CLYBL: variants seen among roughly 807,000 people sequenced by gnomAD.
CLYBL encodes citramalyl-CoA lyase, mitochondrial.
In CLYBL, 31 loss-of-function variants were observed where a neutral mutation model predicts 38.9. That is an observed-to-expected ratio of 0.80 (90% CI 0.60 to 1.08). The LOEUF (loss-of-function observed/expected upper bound fraction) is 1.08, where lower values mean the gene tolerates loss of function less well. Among genes scored for constraint, CLYBL ranks in the 50% least tolerant of loss-of-function variants. The pLI, the probability that CLYBL is intolerant of heterozygous loss-of-function variation, is 0.00. For synonymous variants in CLYBL, 171 were observed against 158.6 expected, an observed-to-expected ratio of 1.08 and a Z score of -0.59; for missense variants, 434 against 411.6, an observed-to-expected ratio of 1.05 and a Z score of -0.47.
chr13:99,843,833 C>T (rs1156904395), intron 2 of CLYBL, among the ~76,000 whole-genome samples: 3 of 152,152 alleles, frequency 2.0e-5, no homozygotes, highest in African/African-American at 7.2e-5. Context: ...AACTCCTGAC[C>T]TCAGGTGATC....
rs79805069 is a variant in CLYBL at position 99,850,461 on chromosome 13, C to T, written c.250-8400C>T. ...TGCAAAACAAAACCCATTGAGCATG[C>T]ACATCACACCACTAGGATGGCTGTG... On this transcript the variant is annotated intron_variant, in intron 2 of 8. Coordinates refer to ENST00000339105, the MANE Select transcript of CLYBL (RefSeq NM_206808.5). Among the ~76,000 whole-genome samples, 930 of 152,296 alleles carry T rather than the reference C, an allele frequency of 6.1e-3. 9 individuals are homozygous for T. Among genetic ancestry groups the T allele is most frequent in the African/African-American group, 0.021 (879 of 41,552 alleles).
At chr13:99,906,778 AC>A (rs1837865994) in intron 9 of CLYBL, among the ~76,000 whole-genome samples, 1 of 152,192 alleles carries the variant, frequency 6.6e-6, no homozygotes, top group Non-Finnish European at 1.5e-5. Context: ...GCATTTTAAA[AC>A]ATTAAAACAT....
At chr13:99,800,367 G>C (rs760266449) in intron 2 of CLYBL, among the ~76,000 whole-genome samples, 1 of 151,986 alleles carries the variant, frequency 6.6e-6, no homozygotes. Context: ...TGAGATTGGC[G>C]CTGCTGCTGC....
At chr13:99,897,940 CAAAA>C (rs10635703), downstream of CLYBL, among the ~76,000 whole-genome samples, 1 of 149,692 alleles carries the variant, frequency 6.7e-6, no homozygotes, top group Non-Finnish European at 1.5e-5. Flanking sequence ...AATGCCGTCT[CAAAA>C]AAAAGAAAGA....
intron 2 of CLYBL, among the ~76,000 whole-genome samples, chr13:99,806,184 T>C (rs1382082904): frequency 6.6e-6 from 1 of 152,204 alleles, no homozygotes; most frequent in Non-Finnish European, 1.5e-5. Flanking sequence ...TTTTGTGAAT[T>C]TTGTTATACA....
At chr13:99,753,137 A>G (rs1349135111) in intron 1 of CLYBL, among the ~76,000 whole-genome samples, 1 of 152,058 alleles carries the variant, frequency 6.6e-6, no homozygotes, top group African/African-American at 2.4e-5. Context: ...TCCCGAGGTG[A>G]GCAGGAAGAT....
intron 2 of CLYBL, among the ~76,000 whole-genome samples, chr13:99,781,832 T>G (rs2049662361): frequency 6.6e-6 from 1 of 152,238 alleles, no homozygotes; most frequent in Non-Finnish European, 1.5e-5. Flanking sequence ...AAGTTAGGAC[T>G]GTGTTTGTAA....
chr13:99,754,207 C>T (rs768469712), intron 1 of CLYBL, among the ~76,000 whole-genome samples: 1 of 149,744 alleles, frequency 6.7e-6, no homozygotes, highest in Non-Finnish European at 1.5e-5. Context: ...CCCAGGAGTT[C>T]GAGACCAGCC....
intron 2 of CLYBL, among the ~76,000 whole-genome samples, chr13:99,784,204 C>T (rs1566325755): frequency 1.3e-5 from 2 of 151,982 alleles, no homozygotes; most frequent in Non-Finnish European, 2.9e-5. Context: ...TCTTAGATCC[C>T]AAGAGCTTAG....
Position 99,702,492 on chromosome 13 carries a change from C to T in CLYBL, c.63-70332C>T, listed in dbSNP as rs564170435. ...CTAAAAAATACAAAAATTAGCCGGG[C>T]GTGGTGTCGCATGCCTGTAATCCGA... On this transcript the variant is annotated intron_variant, in intron 1 of 8. Coordinates refer to ENST00000339105, the MANE Select transcript of CLYBL (RefSeq NM_206808.5). Among the ~76,000 whole-genome samples the T allele has an allele frequency of 5.3e-5, 8 of 152,014 alleles. 1 individual carries two copies. Among genetic ancestry groups the T allele is most frequent in the Admixed American group, 3.9e-4 (6 of 15,242 alleles).
At chr13:99,670,359 C>A (rs1207947180) in intron 1 of CLYBL, among the ~76,000 whole-genome samples, 2 of 152,136 alleles carry the variant, frequency 1.3e-5, no homozygotes. Flanking sequence ...AGTAGCGAGA[C>A]CCTGTCTCTA....
intron 3 of CLYBL, among the ~76,000 whole-genome samples, chr13:99,861,229 A>G (rs1449037516): frequency 6.1e-4 from 93 of 152,238 alleles, no homozygotes; most frequent in East Asian, 3.9e-4. Flanking sequence ...TTTAAGAAAG[A>G]GGGGGAGGAG....
chr13:99,812,154 G>A (rs1417348005), intron 2 of CLYBL, among the ~76,000 whole-genome samples: 2 of 152,128 alleles, frequency 1.3e-5, no homozygotes, highest in Non-Finnish European at 2.9e-5. Context: ...TTTGGGGAGG[G>A]GAGATATTAA....
chr13:99,838,054 TA>T (rs774392206), intron 2 of CLYBL, among the ~76,000 whole-genome samples: 2 of 152,226 alleles, frequency 1.3e-5, no homozygotes, highest in Non-Finnish European at 2.9e-5. Flanking sequence ...GAATACAGTT[TA>T]AAAATGATAG....
intron 1 of CLYBL, among the ~76,000 whole-genome samples, chr13:99,718,465 A>G (rs1396101532): frequency 6.6e-6 from 1 of 152,142 alleles, no homozygotes; most frequent in Non-Finnish European, 1.5e-5. Flanking sequence ...GATTCAGGAA[A>G]AGCCCCTCTG....
At chr13:99,898,572 C>T (rs1440944626), downstream of CLYBL, among the ~76,000 whole-genome samples, 4 of 152,178 alleles carry the variant, frequency 2.6e-5, no homozygotes, top group Non-Finnish European at 5.9e-5. Flanking sequence ...CAGAAGGGAG[C>T]TCCAGCTACT....
intron 1 of CLYBL, among the ~76,000 whole-genome samples, chr13:99,632,072 G>C (rs1429515844): frequency 6.6e-6 from 1 of 152,166 alleles, no homozygotes; most frequent in Admixed American, 6.5e-5. Flanking sequence ...AAAAGCCGCA[G>C]CCTTACTGTA....
At chr13:99,727,260 G>A (rs577358747) in intron 1 of CLYBL, 2 of 152,096 alleles carry the variant, frequency 1.3e-5, no homozygotes, top group Admixed American at 6.6e-5. Flanking sequence ...CTAATTGCAG[G>A]TATTTCTAAT....
intron 2 of CLYBL, among the ~76,000 whole-genome samples, chr13:99,775,118 A>G (rs1476623454): frequency 6.6e-6 from 1 of 152,212 alleles, no homozygotes; most frequent in Non-Finnish European, 1.5e-5. Context: ...AGGGGAATTT[A>G]TTGTAGCATT....
Sources: allele counts gnomAD v4.1 joint callset (sites outside exome capture counted in the v4.1 genomes callset), GRCh38; gene constraint gnomAD v4.1.1; transcripts MANE v1.5; gene names NCBI Gene and HGNC (gene_info 2026-07-23, HGNC 2026-07-21).